ARHGAP25: variants seen among roughly 807,000 people sequenced by gnomAD.
ARHGAP25 encodes Rho GTPase activating protein 25.
ARHGAP25 carries 34 observed loss-of-function variants against 71.0 expected under a neutral mutation model. That is an observed-to-expected ratio of 0.48 (90% CI 0.36 to 0.64). The LOEUF (loss-of-function observed/expected upper bound fraction) is 0.64. Ranked by LOEUF, ARHGAP25 falls within the 30% of genes least tolerant of loss-of-function variation. ARHGAP25 has a pLI of 0.00. For synonymous variants in ARHGAP25, 282 were observed against 296.5 expected (o/e 0.95, Z 0.50); for missense variants, 706 against 805.1 (o/e 0.88, Z 1.49).
chr2:68,819,736 C>T, intron 9 of ARHGAP25: 1 of 506,382 alleles, frequency 2.0e-6, no homozygotes, highest in Non-Finnish European at 3.5e-6. Flanking sequence ...ATTCCTTTCT[C>T]AGAGTATGTG....
In ARHGAP25 at chr2:68,716,085, G is replaced by C. The variant is rs560915571; in HGVS notation, c.-18+5387G>C. The stretch of plus-strand genomic sequence containing the variant: ...CCTCTGCTAATGTTACTTCCTGAGT[G>C]TAATTCCATCCACTGACAGGCTTCC... On this transcript the variant is annotated intron_variant and NMD_transcript_variant, in intron 2 of 7. Coordinates refer to the ARHGAP25 transcript ENST00000463483. Among the ~76,000 whole-genome samples, 3 of 152,264 alleles carry C rather than the reference G, an allele frequency of 2.0e-5. No homozygotes were observed. The East Asian group carries it at 5.8e-4, about 29-fold the overall frequency.
At chr2:68,778,657 C>A (rs1389113156) in intron 2 of ARHGAP25, among the ~76,000 whole-genome samples, 1 of 152,156 alleles carries the variant, frequency 6.6e-6, no homozygotes, top group Non-Finnish European at 1.5e-5. Flanking sequence ...TCTAGAAAGT[C>A]ATCTGGCCAG....
At chr2:68,715,154 G>A (rs1674578635) in intron 2 of ARHGAP25, among the ~76,000 whole-genome samples, 2 of 152,162 alleles carry the variant, frequency 1.3e-5, no homozygotes. Context: ...TGGGGAGGAT[G>A]GGACTTTTCA....
At chr2:68,825,947 A>T (rs1682095401) in intron 10 of ARHGAP25, 40 bp from the exon 11 acceptor site, 1 of 1,555,520 alleles carries the variant, frequency 6.4e-7, no homozygotes, top group Non-Finnish European at 8.8e-7. Context: ...GTCTAGAATG[A>T]ATGCCACATT....
chr2:68,766,615 C>T (rs1677135810), intron 1 of ARHGAP25, among the ~76,000 whole-genome samples: 1 of 152,078 alleles, frequency 6.6e-6, no homozygotes, highest in African/African-American at 2.4e-5. Context: ...AATTTGCTGG[C>T]GTGCAAAAAA....
At chr2:68,742,504 G>A (rs903315899) in intron 1 of ARHGAP25, among the ~76,000 whole-genome samples, 1 of 152,178 alleles carries the variant, frequency 6.6e-6, no homozygotes, top group Non-Finnish European at 1.5e-5. Flanking sequence ...TAAAATGAGT[G>A]CAATCCTAGT....
intron 1 of ARHGAP25, among the ~76,000 whole-genome samples, chr2:68,768,962 G>A (rs919315174): frequency 7.2e-5 from 11 of 152,108 alleles, no homozygotes; most frequent in Admixed American, 3.3e-4. Context: ...TGCATGTCAA[G>A]TCCTCAATCT....
At chr2:68,792,319 A>T (rs1679235961) in intron 4 of ARHGAP25, among the ~76,000 whole-genome samples, 1 of 152,330 alleles carries the variant, frequency 6.6e-6, no homozygotes, top group East Asian at 1.9e-4. Flanking sequence ...TGCATAGATT[A>T]TGTAGTAGTG....
intron 6 of ARHGAP25, among the ~76,000 whole-genome samples, chr2:68,815,329 A>G (rs6714065): frequency 2.0e-5 from 3 of 151,670 alleles, no homozygotes; most frequent in South Asian, 2.1e-4. Flanking sequence ...AAGAAGGTCT[A>G]TATCTACGGA....
chr2:68,731,902 CT>C (rs559151729), upstream of ARHGAP25, among the ~76,000 whole-genome samples: 1 of 152,126 alleles, frequency 6.6e-6, no homozygotes, highest in Non-Finnish European at 1.5e-5. Flanking sequence ...CCCCAACAGA[CT>C]GTAAGAGACA....
chr2:68,749,582 G>A (rs1393491051), intron 1 of ARHGAP25, among the ~76,000 whole-genome samples: 2 of 152,194 alleles, frequency 1.3e-5, no homozygotes, highest in Non-Finnish European at 2.9e-5. Context: ...TTGTCGATCA[G>A]AGCAGTCACC....
At chr2:68,820,026 C>A (rs1042443058) in intron 9 of ARHGAP25, among the ~76,000 whole-genome samples, 4 of 152,184 alleles carry the variant, frequency 2.6e-5, no homozygotes, top group African/African-American at 9.7e-5. Flanking sequence ...CCAGATGATT[C>A]AAGTTACCTA....
intron 2 of ARHGAP25, among the ~76,000 whole-genome samples, chr2:68,725,727 C>T (rs752655632): frequency 5.4e-4 from 82 of 152,208 alleles, no homozygotes; most frequent in Non-Finnish European, 1.0e-3. Flanking sequence ...AAGCCCCATA[C>T]AATTCGTCCC....
intron 10 of ARHGAP25, among the ~76,000 whole-genome samples, chr2:68,825,553 C>A (rs1256162330): frequency 1.3e-5 from 2 of 151,902 alleles, no homozygotes; most frequent in African/African-American, 4.8e-5. Flanking sequence ...ATCACGAGGT[C>A]AGGAGATCAA....
intron 4 of ARHGAP25, among the ~76,000 whole-genome samples, chr2:68,805,630 G>A (rs1168248317): frequency 6.6e-6 from 1 of 152,096 alleles, no homozygotes; most frequent in Non-Finnish European, 1.5e-5. Context: ...GAACATGATA[G>A]AGAGAAGAGA....
chr2:68,810,804 T>TTCA (rs1680752772), intron 5 of ARHGAP25, among the ~76,000 whole-genome samples: 3 of 150,702 alleles, frequency 2.0e-5, no homozygotes, highest in Non-Finnish European at 2.9e-5. Flanking sequence ...TTCAGTGGTG[T>TTCA]GATCTTGGCT....
chr2:68,789,229 G>A (rs575849160), intron 4 of ARHGAP25, among the ~76,000 whole-genome samples: 3 of 152,074 alleles, frequency 2.0e-5, no homozygotes, highest in Admixed American at 6.5e-5. Flanking sequence ...TAGTAGAGAC[G>A]GGGTTTCACC....
intron 4 of ARHGAP25, among the ~76,000 whole-genome samples, chr2:68,796,596 T>C (rs1005307241): frequency 6.6e-6 from 1 of 152,230 alleles, no homozygotes; most frequent in Non-Finnish European, 1.5e-5. Flanking sequence ...GCTGTATGAT[T>C]TCCTTGGTCA....
At chr2:68,773,781 C>T (rs1255533218) in intron 1 of ARHGAP25, among the ~76,000 whole-genome samples, 1 of 152,188 alleles carries the variant, frequency 6.6e-6, no homozygotes, top group Admixed American at 6.5e-5. Context: ...TCAGTGATGA[C>T]TCCCATCCTT....
Sources: allele counts gnomAD v4.1 joint callset (sites outside exome capture counted in the v4.1 genomes callset), GRCh38; gene constraint gnomAD v4.1.1; transcripts MANE v1.5; gene names NCBI Gene and HGNC (gene_info 2026-07-23, HGNC 2026-07-21).